ZAN: variants seen among roughly 807,000 people sequenced by gnomAD.
ZAN encodes zonadhesin, also known as zonadhesin (gene/pseudogene).
ZAN carries 260 observed loss-of-function variants against 286.2 expected under a neutral mutation model. The observed-to-expected ratio is 0.91, with a 90% confidence interval of 0.82 to 1.01. The LOEUF is 1.01. Among genes scored for constraint, ZAN ranks in the 50% least tolerant of loss-of-function variants. ZAN has a pLI of 0.00. For synonymous variants in ZAN, 1,368 were observed against 1,417.5 expected, an observed-to-expected ratio of 0.97 and a Z score of 0.79; for missense variants, 3,410 against 3,639.2, an observed-to-expected ratio of 0.94 and a Z score of 1.62.
chr7:100,761,842 G>A (rs563232332), intron 19 of ZAN, among the ~76,000 whole-genome samples: 26 of 151,934 alleles, frequency 1.7e-4, no homozygotes, highest in Non-Finnish European at 2.1e-4. Context: ...GGAAGGCTGA[G>A]GCAGGAGAAT....
intron 15 of ZAN, 66 bp from the exon 16 acceptor site, chr7:100,758,132 AAAAG>A (rs1274334516): frequency 4.7e-6 from 6 of 1,265,838 alleles, no homozygotes; most frequent in Non-Finnish European, 6.2e-6. Context: ...AAATAAATGA[AAAAG>A]AAAGGCAAAG....
chr7:100,735,457 C>G (rs1807227289), intron 2 of ZAN, among the ~76,000 whole-genome samples: 2 of 135,430 alleles, frequency 1.5e-5, no homozygotes, highest in Admixed American at 1.5e-4. Context: ...GTCCCAGCTA[C>G]TGGGGAGGTT....
intron 20 of ZAN, among the ~76,000 whole-genome samples, chr7:100,762,744 C>CT (rs540403384): frequency 0.29 from 41,479 of 142,182 alleles, 6,098 homozygotes; most frequent in South Asian, 0.45. Context: ...TCCACCCGCC[C>CT]TTTTTTTTTT....
At position 100,762,284 on chromosome 7, in the gene ZAN, G is replaced by A; in HGVS notation, c.3912G>A (p.Lys1304=). Reference sequence around the variant, plus strand: ...GCAACAGTGACAATGACCACCTGAAGTTGGACGGCAGCCCAGCAGGAGACA... The same window carrying A: ...GCAACAGTGACAATGACCACCTGAAATTGGACGGCAGCCCAGCAGGAGACA... ...YDGNSDNDHL[K]LDGSPAGDKE... Residue 1304 remains lysine, a synonymous_variant, in exon 20 of 48, where the codon AAG becomes AAA. Coordinates refer to ENST00000613979, the MANE Select transcript of ZAN (RefSeq NM_003386.3). 1.9e-6 allele frequency: 3 copies of A among 1,613,792 alleles called. No homozygotes were observed. Among genetic ancestry groups the A allele is most frequent in the Admixed American group, 1.7e-5 (1 of 59,972 alleles).
At chr7:100,745,175 C>A (rs965682238) in intron 7 of ZAN, among the ~76,000 whole-genome samples, 9 of 151,838 alleles carry the variant, frequency 5.9e-5, no homozygotes, top group Non-Finnish European at 1.3e-4. Flanking sequence ...TGAGCCACCG[C>A]GCCAGCCCGT....
At chr7:100,783,068 G>T (rs939166677) in intron 35 of ZAN, among the ~76,000 whole-genome samples, 1 of 152,112 alleles carries the variant, frequency 6.6e-6, no homozygotes, top group African/African-American at 2.4e-5. Context: ...AGGAGTTTGA[G>T]ACCAGCCTGG....
chr7:100,750,038 G>A (rs569409096), intron 11 of ZAN, among the ~76,000 whole-genome samples: 162 of 138,296 alleles, frequency 1.2e-3, no homozygotes, highest in African/African-American at 4.2e-3. Context: ...GCAACAGAGC[G>A]AGACTCCATC....
At chr7:100,772,867 TTTG>T (rs1810474067) in intron 29 of ZAN, among the ~76,000 whole-genome samples, 2 of 150,330 alleles carry the variant, frequency 1.3e-5, no homozygotes, top group African/African-American at 2.4e-5. Flanking sequence ...CTGTTTTTTT[TTTG>T]TTTGTTTTTT....
rs575535041 is a variant in ZAN at position 100,761,131 on chromosome 7, C to T, written c.3842+595C>T. On this transcript the variant is annotated intron_variant, in intron 19 of 47. Coordinates refer to ENST00000613979, the MANE Select transcript of ZAN (RefSeq NM_003386.3). Reference sequence around the variant, plus strand: ...CTTGTCTCGAACTCCTGACTTCAGGCGATCCTCCTGCCTCGGCCTCCCAAA... The same window carrying T: ...CTTGTCTCGAACTCCTGACTTCAGGTGATCCTCCTGCCTCGGCCTCCCAAA... 4.3e-4 allele frequency among the ~76,000 whole-genome samples: 65 copies of T among 152,238 alleles called. 1 individual carries two copies. The highest frequency in any genetic ancestry group is 1.5e-3 in the African/African-American group (61 of 41,552).
intron 33 of ZAN, 119 bp downstream of exon 33, chr7:100,775,952 G>T (rs1007202316): frequency 2.2e-6 from 3 of 1,336,762 alleles, no homozygotes. Context: ...CCTCAGGATG[G>T]AGCAGGGCAG....
At chr7:100,779,844 C>A in intron 35 of ZAN, 94 bp downstream of exon 35, 1 of 1,309,316 alleles carries the variant, frequency 7.6e-7, no homozygotes, top group Non-Finnish European at 1.0e-6. Flanking sequence ...CCTGTTCGTT[C>A]CTGACTAACT....
intron 34 of ZAN, among the ~76,000 whole-genome samples, chr7:100,778,927 A>G (rs314302): frequency 0.93 from 141,382 of 152,130 alleles, 65,702 homozygotes; most frequent in East Asian, 0.97. Flanking sequence ...CAGCTACTCA[A>G]AAGGCTAAGG....
intron 15 of ZAN, among the ~76,000 whole-genome samples, chr7:100,757,227 C>G (rs1008999009): frequency 1.3e-5 from 2 of 151,648 alleles, no homozygotes; most frequent in Non-Finnish European, 2.9e-5. Flanking sequence ...CTGGGCTCAA[C>G]CCATCCTCCC....
In ZAN at chr7:100,738,667, C is replaced by A. The variant is rs73711157; in HGVS notation, c.766+54C>A. On this transcript the variant is annotated intron_variant, in intron 7 of 47. Transcript: ENST00000613979. ...GACTTTCTGGGCACCAAGCACCCTA[C>A]GATAATTGCCCTGGGACGGTCTGTC... 4 of 1,464,390 alleles carry A rather than the reference C, an allele frequency of 2.7e-6. 2 individuals carry two copies. 90.7% of individuals were successfully genotyped at this position (1,464,390 alleles called of 1,614,324 possible).
chr7:100,783,819 T>TATATATAC (rs1554409852), intron 35 of ZAN, among the ~76,000 whole-genome samples: 660 of 28,602 alleles, frequency 0.023, 84 homozygotes, highest in Middle Eastern at 0.083. Flanking sequence ...TATATATACA[T>TATATATAC]ATATATATAT....
Position 100,755,376 on chromosome 7 carries a change from C to T in ZAN, c.3275C>T (p.Ser1092Phe), listed in dbSNP as rs1306843009. 6.2e-7 allele frequency: 1 copy of T among 1,613,356 alleles called. No individual in the cohort carries two copies. The highest frequency in any genetic ancestry group is 2.2e-5 in the East Asian group (1 of 44,896). Residue 1092 changes from serine (S) to phenylalanine (F), a missense_variant, in exon 15 of 48, where the codon TCC (serine) becomes TTC (phenylalanine). Coordinates refer to ENST00000613979, the MANE Select transcript of ZAN (RefSeq NM_003386.3). The stretch of plus-strand genomic sequence containing the variant: ...GACAACCACTGCATCCAGGCCTCTT[C>T]CTGCAATTGCTTCTACAACAACGAC... ...FSDNHCIQAS[S>F]CNCFYNNDYY...
At chr7:100,765,260 A>T in intron 22 of ZAN, 92 bp from the exon 23 acceptor site, 1 of 1,378,834 alleles carries the variant, frequency 7.3e-7, no homozygotes, top group Non-Finnish European at 1.0e-6. Flanking sequence ...AGAAGCCTGG[A>T]GCTGGGGCCC....
Position 100,747,755 on chromosome 7 carries a change from C to A in ZAN, c.1023+114C>A, listed in dbSNP as rs1047206163. The A allele has an allele frequency of 4.7e-4, 494 of 1,057,264 alleles. 5 individuals are homozygous for A. Among genetic ancestry groups the A allele is most frequent in the Non-Finnish European group, 7.8e-5 (55 of 700,818 alleles). 65.5% of individuals were successfully genotyped at this position (1,057,264 alleles called of 1,614,324 possible). ...CCTGTATTCCCAATACTTTGGGAGG[C>A]TGAGGAGGGAGGATCGCTTCAGGAC... is the stretch of plus-strand genomic sequence containing the variant. On this transcript the variant is annotated intron_variant, in intron 9 of 47. Coordinates refer to ENST00000613979, the MANE Select transcript of ZAN (RefSeq NM_003386.3).
In ZAN at chr7:100,784,669, C is replaced by T. The variant is rs146597187; in HGVS notation, c.6669C>T (p.Ser2223=). 689 of 1,614,008 alleles carry T rather than the reference C, an allele frequency of 4.3e-4. 5 individuals carry two copies. In the African/African-American group the frequency reaches 8.4e-3, roughly 20 times the overall value. The part of the protein sequence containing the change: ...AYSSYTNCLP[S]CSPSCWDLDG... ...GCAGCTACACCAACTGCCTTCCCTC[C>T]TGCTCACCCTCCTGCTGGGACCTGG... Residue 2223 remains serine (S), a synonymous_variant, in exon 36 of 48, where the codon TCC becomes TCT. Transcript: ENST00000613979.
Sources: gnomAD v4.1 joint callset for allele counts (sites outside exome capture counted in the v4.1 genomes callset) on GRCh38, gnomAD v4.1.1 for gene constraint, MANE v1.5 for transcripts, NCBI Gene and HGNC (gene_info 2026-07-23, HGNC 2026-07-21) for gene names.